CAMKMT: variants seen among roughly 807,000 people sequenced by gnomAD.
CAMKMT encodes CaM KMT.
Under a neutral mutation model 48.0 loss-of-function variants are expected in CAMKMT, and 53 were observed. That is an observed-to-expected ratio of 1.10 (90% CI 0.89 to 1.39). CAMKMT has a LOEUF of 1.39. Ranked by LOEUF, CAMKMT falls within the 40% of genes most tolerant of loss-of-function variation. CAMKMT has a pLI of 0.00. For synonymous variants in CAMKMT, 165 were observed against 152.3 expected (o/e 1.08, Z -0.61); for missense variants, 428 against 402.7 (o/e 1.06, Z -0.54).
intron 3 of CAMKMT, among the ~76,000 whole-genome samples, chr2:44,408,869 G>C (rs1682967344): frequency 6.6e-6 from 1 of 151,684 alleles, no homozygotes; most frequent in Non-Finnish European, 1.5e-5. Flanking sequence ...AGCCTCCTGG[G>C]TAGCTGGGAC....
At chr2:44,513,133 A>T (rs1035078378) in intron 3 of CAMKMT, among the ~76,000 whole-genome samples, 1 of 152,112 alleles carries the variant, frequency 6.6e-6, no homozygotes, top group South Asian at 2.1e-4. Flanking sequence ...ACAATTTCCA[A>T]GCCATTTAGA....
In CAMKMT at chr2:44,704,316, A is replaced by G. The variant is rs1436595604; in HGVS notation, c.410A>G (p.Tyr137Cys). Residue 137 changes from tyrosine to cysteine, a missense_variant, in exon 4 of 11, where the codon TAC becomes TGC. Physicochemically the swap from Tyr to Cys is radical, Grantham distance 194 (BLOSUM62 -2). Coordinates refer to ENST00000378494, the MANE Select transcript of CAMKMT (RefSeq NM_024766.5). ...CCATCTGAAGAGGTTTTGGCTTACT[A>G]CTGCCTCAAGCACAATAATATATTC... ...IWPSEEVLAY[Y>C]CLKHNNIFRA... The G allele has an allele frequency of 1.2e-6, 2 of 1,610,532 alleles. No homozygotes were observed. Among genetic ancestry groups the G allele is most frequent in the African/African-American group, 1.3e-5 (1 of 74,814 alleles).
At chr2:44,471,131 A>T (rs1486379984) in intron 3 of CAMKMT, among the ~76,000 whole-genome samples, 1 of 151,110 alleles carries the variant, frequency 6.6e-6, no homozygotes, top group Non-Finnish European at 1.5e-5. Context: ...AGTATCTGGG[A>T]TTACAGGCAC....
At chr2:44,530,118 G>A (rs997461721) in intron 3 of CAMKMT, among the ~76,000 whole-genome samples, 9 of 152,128 alleles carry the variant, frequency 5.9e-5, no homozygotes, top group African/African-American at 2.2e-4. Context: ...CAATGTCATA[G>A]TATTACACCA....
intron 3 of CAMKMT, among the ~76,000 whole-genome samples, chr2:44,516,328 T>A (rs1670831262): frequency 6.6e-6 from 1 of 152,248 alleles, no homozygotes; most frequent in South Asian, 2.1e-4. Context: ...ATTTTTAGCA[T>A]GCATTTTCTA....
intron 3 of CAMKMT, among the ~76,000 whole-genome samples, chr2:44,519,456 G>A (rs886193019): frequency 7.9e-4 from 120 of 152,084 alleles, no homozygotes; most frequent in African/African-American, 2.8e-3. Context: ...GAACTGAAAG[G>A]CCATGCAATA....
chr2:44,475,797 G>A (rs1558644091), intron 3 of CAMKMT, among the ~76,000 whole-genome samples: 1 of 152,162 alleles, frequency 6.6e-6, no homozygotes. Context: ...TTTACTAGAA[G>A]CATATGATGG....
At chr2:44,518,313 T>G (rs912873895) in intron 3 of CAMKMT, among the ~76,000 whole-genome samples, 1 of 152,236 alleles carries the variant, frequency 6.6e-6, no homozygotes, top group South Asian at 2.1e-4. Context: ...CTATTTGCAT[T>G]ATTCTTTATA....
intron 3 of CAMKMT, among the ~76,000 whole-genome samples, chr2:44,666,681 G>A (rs903153624): frequency 7.4e-5 from 11 of 149,332 alleles, no homozygotes; most frequent in African/African-American, 2.5e-4. Flanking sequence ...GCACAGTCTC[G>A]GCTCACTGAG....
At chr2:44,466,546 A>G (rs757731502) in intron 3 of CAMKMT, among the ~76,000 whole-genome samples, 18 of 152,196 alleles carry the variant, frequency 1.2e-4, no homozygotes, top group Admixed American at 7.9e-4. Context: ...GAAAGTTTAT[A>G]GTGGTAGACA....
chr2:44,382,539 C>G (rs1421114783), intron 2 of CAMKMT, among the ~76,000 whole-genome samples: 1 of 150,840 alleles, frequency 6.6e-6, no homozygotes. Context: ...AGTACAGTGG[C>G]GCGATCTCCA....
chr2:44,442,920 T>C (rs1476291279), intron 3 of CAMKMT, among the ~76,000 whole-genome samples: 1 of 152,208 alleles, frequency 6.6e-6, no homozygotes, highest in Non-Finnish European at 1.5e-5. Flanking sequence ...AATGAATGAA[T>C]AAAATATACC....
At chr2:44,585,981 G>A (rs1030842780) in intron 3 of CAMKMT, among the ~76,000 whole-genome samples, 1 of 152,152 alleles carries the variant, frequency 6.6e-6, no homozygotes, top group African/African-American at 2.4e-5. Context: ...TTACACTACA[G>A]GGAAGCTAGA....
intron 3 of CAMKMT, among the ~76,000 whole-genome samples, chr2:44,534,508 T>G (rs977519540): frequency 2.0e-5 from 3 of 152,170 alleles, no homozygotes; most frequent in Non-Finnish European, 4.4e-5. Context: ...CTCAATAAAT[T>G]TTTAAGAATA....
chr2:44,710,609 G>A lies in CAMKMT; in HGVS notation c.556+3147G>A, dbSNP rs74456295. On this transcript the variant is annotated intron_variant, in intron 6 of 10. Transcript: ENST00000378494. Reference sequence around the variant, plus strand: ...TTTATTCTAAAATAGTGTGAAACATGTTCCTTTTCTTTTTTTTTTGGCAAT... The same window carrying A: ...TTTATTCTAAAATAGTGTGAAACATATTCCTTTTCTTTTTTTTTTGGCAAT... 7.8e-3 allele frequency among the ~76,000 whole-genome samples: 1,165 copies of A among 148,712 alleles called. 20 individuals are homozygous for A. The highest frequency in any genetic ancestry group is 0.027 in the African/African-American group (1,101 of 41,160).
At chr2:44,735,881 C>T (rs1040923623) in intron 7 of CAMKMT, among the ~76,000 whole-genome samples, 2 of 151,840 alleles carry the variant, frequency 1.3e-5, no homozygotes, top group African/African-American at 2.4e-5. Context: ...CTACTGTACT[C>T]GAGCCTGCTC....
intron 3 of CAMKMT, among the ~76,000 whole-genome samples, chr2:44,673,516 A>G (rs927459307): frequency 5.5e-4 from 58 of 105,266 alleles, no homozygotes; most frequent in African/African-American, 2.1e-3. Context: ...GAAGGAAGGA[A>G]GGAAGGAGGG....
intron 3 of CAMKMT, among the ~76,000 whole-genome samples, chr2:44,587,974 G>T (rs1311103115): frequency 7.8e-6 from 1 of 128,668 alleles, no homozygotes; most frequent in Non-Finnish European, 1.7e-5. Flanking sequence ...CTGCCTGGCT[G>T]CCCAGTCTGG....
chr2:44,610,340 G>C (rs1418107914), intron 3 of CAMKMT, among the ~76,000 whole-genome samples: 7 of 152,156 alleles, frequency 4.6e-5, no homozygotes. Flanking sequence ...AATTTGGGAT[G>C]ATAAAGTCTT....
Sources: gnomAD v4.1 joint callset for allele counts (sites outside exome capture counted in the v4.1 genomes callset) on GRCh38, gnomAD v4.1.1 for gene constraint, MANE v1.5 for transcripts, NCBI Gene and HGNC (gene_info 2026-07-23, HGNC 2026-07-21) for gene names.